The following CHD5 variants were observed in gnomAD, a reference collection of about 807,000 sequenced individuals.
CHD5 encodes the protein chromodomain helicase DNA binding protein 5.
Under a neutral mutation model 230.3 loss-of-function variants are expected in CHD5, and 69 were observed. That is an observed-to-expected ratio of 0.30 (90% CI 0.25 to 0.37). CHD5 has a LOEUF of 0.37. Ranked by LOEUF, CHD5 falls within the 10% of genes least tolerant of loss-of-function variation. CHD5 has a pLI of 1.00. For missense variants in CHD5, 1,827 were observed against 2,622.8 expected, an observed-to-expected ratio of 0.70 and a Z score of 6.63; for synonymous variants, 1,064 against 1,065.9, an observed-to-expected ratio of 1.00 and a Z score of 0.03.
In CHD5 at chr1:6,146,865, G is replaced by C. The variant is rs749050123; in HGVS notation, c.1390C>G (p.Pro464Ala). The C allele has an allele frequency of 1.8e-5, 27 of 1,509,738 alleles. No individual in the cohort carries two copies. Among genetic ancestry groups the C allele is most frequent in the Non-Finnish European group, 2.3e-5 (26 of 1,126,614 alleles). 93.5% of individuals were successfully genotyped at this position (1,509,738 alleles called of 1,614,324 possible). A position where few individuals can be genotyped will look rare whatever the true frequency, so the allele number is the denominator to read the frequency against. ...EWLCPRCTCP[P>A]LKGKVQRILH... ...ATCCGCTGGACTTTGCCCTTCAGTGGGGGGCACTGTGGACAGAGAAGGGTC... is the reference window on the plus strand; with the variant it reads ...ATCCGCTGGACTTTGCCCTTCAGTGCGGGGCACTGTGGACAGAGAAGGGTC... Residue 464 changes from proline (P) to alanine (A), a missense_variant, in exon 10 of 42, where the codon CCA (proline) becomes GCA (alanine). This residue lies in a region of CHD5 where 657 missense variants were observed against 816.4 expected (regional missense o/e 0.80). Transcript: ENST00000262450. This position sits in a 1 kb window ranked among gnomAD's most constrained non-coding sequence, Gnocchi z 5.1.
rs1325610354 is a variant in CHD5, at chr1:6,112,192, GTCC to G, written c.5085_5087del (p.Glu1695del). On this transcript the variant is annotated inframe_deletion, in exon 35 of 42. Coordinates refer to ENST00000262450, the MANE Select transcript of CHD5 (RefSeq NM_015557.3). Reference sequence around the variant, plus strand: ...ACATGAACTTGAATTTCCCCTTCTTGTCCTCCTTCTTCCCCTCGTCATCTTCCT... The same window carrying G: ...ACATGAACTTGAATTTCCCCTTCTTGTCCTTCTTCCCCTCGTCATCTTCCT... 6 of 1,614,032 alleles carry G rather than the reference GTCC, an allele frequency of 3.7e-6. No homozygotes were observed. The highest frequency in any genetic ancestry group is 5.1e-6 in the Non-Finnish European group (6 of 1,180,000).
At chr1:6,173,735 G>A (rs2100887481) in intron 1 of CHD5, among the ~76,000 whole-genome samples, 1 of 152,274 alleles carries the variant, frequency 6.6e-6, no homozygotes, top group South Asian at 2.1e-4. Context: ...AAGGGCAGAG[G>A]GCAGCGGTCT....
chr1:6,175,260 GTGGA>G (rs150588853), intron 1 of CHD5, among the ~76,000 whole-genome samples: 5 of 144,960 alleles, frequency 3.4e-5, no homozygotes, highest in East Asian at 2.1e-4. Context: ...TGGATGGTGG[GTGGA>G]TGGATGGATG....
intron 38 of CHD5, 126 bp downstream of exon 38, chr1:6,109,669 A>T (rs534827525): frequency 2.5e-6 from 2 of 794,314 alleles, no homozygotes; most frequent in Non-Finnish European, 4.1e-6. Flanking sequence ...CCAGAAGTCC[A>T]CCGCCCTCTG....
chr1:6,151,644 G>T (rs1259269892), intron 6 of CHD5, among the ~76,000 whole-genome samples: 2 of 152,216 alleles, frequency 1.3e-5, no homozygotes, highest in South Asian at 4.1e-4. Flanking sequence ...CTGAGCAGCG[G>T]GCCTGGTACA....
chr1:6,168,114 C>T (rs1226453730), intron 2 of CHD5, 36 bp downstream of exon 2: 12 of 1,575,378 alleles, frequency 7.6e-6, no homozygotes, highest in Middle Eastern at 2.1e-4. Flanking sequence ...CAACCCCACC[C>T]GCCCCAAGCT....
Position 6,124,669 on chromosome 1 carries a change from G to T in CHD5, c.4395-8C>A, listed in dbSNP as rs534219625. The T allele has an allele frequency of 2.3e-4, 154 of 666,254 alleles. 3 individuals carry two copies. Among genetic ancestry groups the T allele is most frequent in the Non-Finnish European group, 2.6e-4 (128 of 492,368 alleles). The allele number at this position is 666,254 out of a possible 1,614,324, so 41.3% of individuals were successfully genotyped here. ...AAGAGGGACACATAGGCTCTGGGGT[G>T]GGGGGGGGGGACTGGGGCTCAGGGA... is the stretch of plus-strand genomic sequence containing the variant. On this transcript the variant is annotated splice_polypyrimidine_tract_variant and splice_region_variant and intron_variant, in intron 29 of 41. Transcript: ENST00000262450.
In CHD5 at chr1:6,154,712, CG is replaced by C; in HGVS notation, c.692del (p.Pro231ArgfsTer22). 2 of 1,604,206 alleles carry C rather than the reference CG, an allele frequency of 1.2e-6. No individual in the cohort carries two copies. Among genetic ancestry groups the C allele is most frequent in the Non-Finnish European group, 1.7e-6 (2 of 1,174,696 alleles). On this transcript the variant is annotated frameshift_variant, in exon 5 of 42. Transcript: ENST00000262450. LOFTEE classifies it high-confidence loss of function. This position sits in a 1 kb window ranked among gnomAD's most constrained non-coding sequence, Gnocchi z 7.0. ...GGATAGGCACAGGCTGGGGCACCTG[CG>C]GGGGGCTGACGGCTAGCGGAGGGGA... ...TISPPLAVSPPQVPQPVPIRK... is the reference protein window; with the variant it reads ...TISPPLAVSPXQVPQPVPIRK...
Position 6,142,595 on chromosome 1 carries a change from T to C in CHD5, c.2054A>G (p.Lys685Arg). 1 of 1,611,600 alleles carries C rather than the reference T, an allele frequency of 6.2e-7. No individual in the cohort carries two copies. Among genetic ancestry groups the C allele is most frequent in the Non-Finnish European group, 8.5e-7 (1 of 1,178,888 alleles). The change falls in exon 14 of 42, where the codon AAG (lysine) becomes AGG (arginine). Residue 685 changes from lysine (K) to arginine (R), a missense_variant. By Grantham distance (26) the Lys-to-Arg change is conservative (BLOSUM62 2). Coordinates refer to ENST00000262450, the MANE Select transcript of CHD5 (RefSeq NM_015557.3). The surrounding 1 kb of genome is among the most constrained non-coding windows in gnomAD (Gnocchi z 5.2). ...GATGTACCATGGCTGCTTGTCGAAC[T>C]TGACCGTGGGCTGCAGGGGAGGCAG... ...PDTPIVDPTVKFDKQPWYIDS... is the reference protein window; with the variant it reads ...PDTPIVDPTVRFDKQPWYIDS...
intron 2 of CHD5, among the ~76,000 whole-genome samples, chr1:6,166,153 A>T (rs1293378320): frequency 6.6e-6 from 1 of 151,184 alleles, no homozygotes; most frequent in Non-Finnish European, 1.5e-5. Context: ...AGGCAAGCAG[A>T]ATTGGGCAGA....
At position 6,146,864 on chromosome 1, in the gene CHD5, G is replaced by C; in HGVS notation, c.1391C>G (p.Pro464Arg). 1 of 1,509,200 alleles carries C rather than the reference G, an allele frequency of 6.6e-7. No individual in the cohort carries two copies. The highest frequency in any genetic ancestry group is 8.9e-7 in the Non-Finnish European group (1 of 1,126,236). 93.5% of individuals were successfully genotyped at this position (1,509,200 alleles called of 1,614,324 possible). A position where few individuals can be genotyped will look rare whatever the true frequency, so the allele number is the denominator to read the frequency against. The change falls in exon 10 of 42, where the codon CCA (proline) becomes CGA (arginine). Residue 464 changes from proline to arginine, a missense_variant. Coordinates refer to ENST00000262450, the MANE Select transcript of CHD5 (RefSeq NM_015557.3). This position sits in a 1 kb window ranked among gnomAD's most constrained non-coding sequence, Gnocchi z 5.1. ...EWLCPRCTCP[P>R]LKGKVQRILH... is the part of the protein sequence containing the mutation. ...AATCCGCTGGACTTTGCCCTTCAGT[G>C]GGGGGCACTGTGGACAGAGAAGGGT... is the stretch of plus-strand genomic sequence containing the variant.
At position 6,125,063 on chromosome 1, in the gene CHD5, G is replaced by C. The variant is rs1666532691; in HGVS notation, c.4394+37C>G. On this transcript the variant is annotated intron_variant, in intron 29 of 41. Transcript: ENST00000262450. The surrounding 1 kb of genome is among the most constrained non-coding windows in gnomAD (Gnocchi z 6.7). ...CAGGACCCTGCCCTACTCAGGGGCA[G>C]GTGGTCACACCCTGGGCCACCACCT... is the stretch of plus-strand genomic sequence containing the variant. 1.3e-6 allele frequency: 2 copies of C among 1,520,028 alleles called. No homozygotes were observed. The highest frequency in any genetic ancestry group is 2.5e-5 in the South Asian group (2 of 79,888). The allele number at this position is 1,520,028 out of a possible 1,614,324, so 94.2% of individuals were successfully genotyped here.
chr1:6,115,397 G>A (rs901104923), intron 33 of CHD5, among the ~76,000 whole-genome samples: 45 of 152,132 alleles, frequency 3.0e-4, no homozygotes, highest in Non-Finnish European at 1.0e-4. Flanking sequence ...GGACAAACTC[G>A]ACTCCCCAGA....
rs1000533254 is a variant in CHD5 at position 6,126,103 on chromosome 1, G to A, written c.4079-245C>T. On this transcript the variant is annotated intron_variant, in intron 26 of 41. Coordinates refer to ENST00000262450, the MANE Select transcript of CHD5 (RefSeq NM_015557.3). This position sits in a 1 kb window ranked among gnomAD's most constrained non-coding sequence, Gnocchi z 5.7. ...GTGCAAGGGACGTGCCCAAGGCCAC[G>A]TCACGAGCAGTGGTGAAGTCACTGA... is the stretch of plus-strand genomic sequence containing the variant. Among the ~76,000 whole-genome samples the A allele has an allele frequency of 6.6e-6, 1 of 152,116 alleles. No individual in the cohort carries two copies. The highest frequency in any genetic ancestry group is 1.5e-5 in the Non-Finnish European group (1 of 68,008).
rs764156641 is a variant in CHD5, at chr1:6,134,985, C to T, written c.2871-126G>A. ...TTTACAGAGAGACCCAAGGGACCCC[C>T]AAGAGGTGAAGCCACCGGCCTGGAG... On this transcript the variant is annotated intron_variant, in intron 18 of 41. Coordinates refer to ENST00000262450, the MANE Select transcript of CHD5 (RefSeq NM_015557.3). This position sits in a 1 kb window ranked among gnomAD's most constrained non-coding sequence, Gnocchi z 6.3. The T allele has an allele frequency of 4.3e-4, 552 of 1,289,066 alleles. 1 individual carries two copies. Among genetic ancestry groups the T allele is most frequent in the Non-Finnish European group, 5.5e-4 (511 of 922,636 alleles). The allele number at this position is 1,289,066 out of a possible 1,614,324, so 79.9% of individuals were successfully genotyped here. A position where few individuals can be genotyped will look rare whatever the true frequency, so the allele number is the denominator to read the frequency against.
At chr1:6,141,304 T>TTAA (rs573565940) in intron 15 of CHD5, among the ~76,000 whole-genome samples, 441 of 135,440 alleles carry the variant, frequency 3.3e-3, no homozygotes, top group Non-Finnish European at 4.8e-3. Flanking sequence ...ATAATAATAA[T>TTAA]TAATAATAAT....
chr1:6,124,768 C>T (rs1666527701), intron 29 of CHD5, 107 bp from the exon 30 acceptor site: 3 of 758,074 alleles, frequency 4.0e-6, no homozygotes, highest in Admixed American at 2.5e-5. Flanking sequence ...CTTCAACCAT[C>T]GCCCACCTCC....
chr1:6,156,871 C>T (rs1667088733), intron 3 of CHD5, among the ~76,000 whole-genome samples: 1 of 152,166 alleles, frequency 6.6e-6, no homozygotes, highest in African/African-American at 2.4e-5. Flanking sequence ...CCCGGGCTGG[C>T]GGGGCTCAGA....
chr1:6,147,465 T>C (rs532604533), intron 9 of CHD5, among the ~76,000 whole-genome samples: 1 of 152,260 alleles, frequency 6.6e-6, no homozygotes, highest in South Asian at 2.1e-4. Context: ...CCCTGACAGA[T>C]GCTAGGGTGA....
Sources: allele counts gnomAD v4.1 joint callset (sites outside exome capture counted in the v4.1 genomes callset), GRCh38; gene constraint gnomAD v4.1.1; regional missense constraint gnomAD v4.1.1; non-coding constraint Gnocchi (gnomAD v3.1); transcripts MANE v1.5; gene names NCBI Gene and HGNC (gene_info 2026-07-23, HGNC 2026-07-21).